The following ARHGAP23 variants were observed in gnomAD, a reference collection of about 807,000 sequenced individuals.
ARHGAP23 encodes the protein Rho GTPase activating protein 23.
A neutral mutation model predicts 136.3 loss-of-function variants in ARHGAP23; 34 were observed. That is an observed-to-expected ratio of 0.25 (90% CI 0.19 to 0.33). The LOEUF is 0.33. Ranked by LOEUF, ARHGAP23 falls within the 10% of genes least tolerant of loss-of-function variation. ARHGAP23 has a pLI of 1.00. For missense variants in ARHGAP23, 1,808 were observed against 2,139.0 expected, an observed-to-expected ratio of 0.85 and a Z score of 3.05; for synonymous variants, 832 against 920.5, an observed-to-expected ratio of 0.90 and a Z score of 1.74.
intron 1 of ARHGAP23, chr17:38,453,645 G>T (rs1322499359): frequency 4.0e-5 from 6 of 151,056 alleles, no homozygotes; most frequent in African/African-American, 1.2e-4. Flanking sequence ...CCCGGAGGGG[G>T]AGGCGTCAGC....
intron 1 of ARHGAP23, chr17:38,450,796 C>T (rs1345294604): frequency 2.0e-5 from 3 of 152,238 alleles, no homozygotes; most frequent in Non-Finnish European, 2.9e-5. Context: ...AGTGAAAGTG[C>T]TTTCAAATGG....
At chr17:38,482,418 C>G (rs1372743160) in intron 15 of ARHGAP23, 105 bp from the exon 16 acceptor site, 10 of 1,181,576 alleles carry the variant, frequency 8.5e-6, no homozygotes, top group East Asian at 5.3e-5. Flanking sequence ...TTTGTTCCCC[C>G]CAAGGGTTCC....
chr17:38,480,565 C>A (rs1473827790), intron 14 of ARHGAP23, among the ~76,000 whole-genome samples: 1 of 151,598 alleles, frequency 6.6e-6, no homozygotes, highest in Admixed American at 6.6e-5. Flanking sequence ...ACCTGGGAGG[C>A]GGAGCTTGCA....
intron 15 of ARHGAP23, 61 bp from the exon 16 acceptor site, chr17:38,482,462 C>G: frequency 6.9e-7 from 1 of 1,442,738 alleles, no homozygotes; most frequent in Non-Finnish European, 9.4e-7. Flanking sequence ...TTGTCCCCTT[C>G]TTGGCCTCCC....
chr17:38,432,127 C>T (rs2038698770), intron 1 of ARHGAP23, among the ~76,000 whole-genome samples: 3 of 152,198 alleles, frequency 2.0e-5, no homozygotes, highest in Admixed American at 1.3e-4. Flanking sequence ...CATCTCATAT[C>T]CGTCTACCCT....
At chr17:38,471,067 C>T (rs2039743686) in intron 10 of ARHGAP23, among the ~76,000 whole-genome samples, 1 of 151,928 alleles carries the variant, frequency 6.6e-6, no homozygotes, top group Non-Finnish European at 1.5e-5. Flanking sequence ...ATTCTCGTGC[C>T]TCAGCCTCCT....
At chr17:38,469,380 T>A (rs1470327256) in intron 8 of ARHGAP23, 81 bp downstream of exon 8, 1 of 1,479,634 alleles carries the variant, frequency 6.8e-7, no homozygotes, top group Non-Finnish European at 9.1e-7. Context: ...TGCTGCTTGA[T>A]GTCTGGCCTC....
At chr17:38,498,636 C>A in intron 22 of ARHGAP23, 126 bp downstream of exon 22, 1 of 800,278 alleles carries the variant, frequency 1.2e-6, no homozygotes, top group South Asian at 1.9e-5. Context: ...CTGCCGGCCA[C>A]CATGGAGATG....
chr17:38,501,311 A>AT (rs1271749925), intron 23 of ARHGAP23, among the ~76,000 whole-genome samples: 3 of 150,458 alleles, frequency 2.0e-5, no homozygotes, highest in Admixed American at 6.6e-5. Flanking sequence ...TTATTTATTT[A>AT]TTTTTTTTGA....
intron 10 of ARHGAP23, 72 bp from the exon 11 acceptor site, chr17:38,471,791 T>G: frequency 6.9e-7 from 1 of 1,453,362 alleles, no homozygotes; most frequent in South Asian, 1.3e-5. Context: ...CGGCCACAAG[T>G]GGTCCATGGG....
chr17:38,457,211 C>T (rs982972671), intron 1 of ARHGAP23, among the ~76,000 whole-genome samples: 12 of 152,336 alleles, frequency 7.9e-5, no homozygotes, highest in African/African-American at 2.6e-4. Context: ...GGTCTCCACC[C>T]GCCTTGGCCT....
intron 10 of ARHGAP23, among the ~76,000 whole-genome samples, chr17:38,470,788 C>T (rs1462755663): frequency 7.9e-5 from 12 of 152,212 alleles, no homozygotes; most frequent in East Asian, 7.7e-4. Context: ...CCACCCACCT[C>T]GGCCTCCCAA....
intron 1 of ARHGAP23, among the ~76,000 whole-genome samples, chr17:38,433,791 G>C (rs1169541635): frequency 6.6e-6 from 1 of 152,098 alleles, no homozygotes; most frequent in Non-Finnish European, 1.5e-5. Context: ...GGCCTGCAAG[G>C]GTGGGTATGG....
At chr17:38,476,917 G>A (rs1398512246) in intron 11 of ARHGAP23, among the ~76,000 whole-genome samples, 4 of 152,180 alleles carry the variant, frequency 2.6e-5, no homozygotes, top group Non-Finnish European at 5.9e-5. Context: ...GGGAGGGCAA[G>A]TAGAGAAGAC....
chr17:38,483,785 G>A (rs996155190), intron 16 of ARHGAP23, among the ~76,000 whole-genome samples: 2 of 152,202 alleles, frequency 1.3e-5, no homozygotes, highest in African/African-American at 4.8e-5. Flanking sequence ...GGTGGTGGCT[G>A]GAGGGTTTGA....
rs532521138 is a variant in ARHGAP23 at position 38,474,201 on chromosome 17, G to A, written c.2118+2195G>A. Among the ~76,000 whole-genome samples, 7 of 152,326 alleles carry A rather than the reference G, an allele frequency of 4.6e-5. No individual in the cohort carries two copies. The East Asian group carries it at 7.7e-4, about 17-fold the overall frequency. ...CTCCCAAAGTGCTTGGATTACAGGCGTGAGCCACCGTGCCCAGCTCTGTCC... is the reference window on the plus strand; with the variant it reads ...CTCCCAAAGTGCTTGGATTACAGGCATGAGCCACCGTGCCCAGCTCTGTCC... On this transcript the variant is annotated intron_variant, in intron 11 of 23. Transcript: ENST00000622683.
At chr17:38,459,056 G>T (rs1455766551) in intron 2 of ARHGAP23, among the ~76,000 whole-genome samples, 2 of 152,182 alleles carry the variant, frequency 1.3e-5, no homozygotes, top group Non-Finnish European at 2.9e-5. Context: ...AGGGGCCCCA[G>T]GGAGCAACCA....
rs1254534426 is a variant in ARHGAP23, at chr17:38,510,669, G to A, written c.4173G>A (p.Pro1391=). The change falls in exon 24 of 24, where the codon CCG becomes CCA. Residue 1391 remains proline, a synonymous_variant. Transcript: ENST00000622683. The surrounding 1 kb of genome is among the most constrained non-coding windows in gnomAD (Gnocchi z 4.6). ...TGCTCGCCGTGCGCCTGCGGCGGCC[G>A]CTGTCGCCCGAGACCCGGCGGCGCC... is the stretch of plus-strand genomic sequence containing the variant. The part of the protein sequence containing the change: ...DDMLAVRLRR[P]LSPETRRRRS... 1 of 1,393,732 alleles carries A rather than the reference G, an allele frequency of 7.2e-7. No individual in the cohort carries two copies. The highest frequency in any genetic ancestry group is 9.2e-7 in the Non-Finnish European group (1 of 1,082,398). 86.3% of individuals were successfully genotyped at this position (1,393,732 alleles called of 1,614,324 possible).
intron 1 of ARHGAP23, among the ~76,000 whole-genome samples, chr17:38,454,563 G>A (rs911142900): frequency 8.5e-5 from 13 of 152,158 alleles, no homozygotes; most frequent in African/African-American, 2.7e-4. Context: ...CCTGGTAGGG[G>A]ACCTGGACAC....
Sources: allele counts gnomAD v4.1 joint callset (sites outside exome capture counted in the v4.1 genomes callset), GRCh38; gene constraint gnomAD v4.1.1; non-coding constraint Gnocchi (gnomAD v3.1); transcripts MANE v1.5; gene names NCBI Gene and HGNC (gene_info 2026-07-23, HGNC 2026-07-21).